The following PRDM2 variants were observed in gnomAD, a reference collection of about 807,000 sequenced individuals.
The protein encoded by PRDM2 is PR/SET domain 2, also known as PR domain zinc finger protein 2.
PRDM2 carries 30 observed loss-of-function variants against 130.0 expected under a neutral mutation model. That is an observed-to-expected ratio of 0.23 (90% CI 0.17 to 0.31). The LOEUF (loss-of-function observed/expected upper bound fraction) is 0.31. Among genes scored for constraint, PRDM2 ranks in the 10% least tolerant of loss-of-function variants. PRDM2 has a pLI of 1.00. For synonymous variants in PRDM2, 871 were observed against 782.4 expected (o/e 1.11, Z -1.89); for missense variants, 2,011 against 2,108.4 (o/e 0.95, Z 0.90).
At chr1:13,717,134 C>G (rs116436582) in intron 2 of PRDM2, among the ~76,000 whole-genome samples, 1 of 152,050 alleles carries the variant, frequency 6.6e-6, no homozygotes, top group Admixed American at 6.6e-5. Flanking sequence ...ACGAATCTGG[C>G]GAACACATGG....
chr1:13,742,261 C>A, intron 5 of PRDM2, 104 bp downstream of exon 5: 1 of 1,293,640 alleles, frequency 7.7e-7, no homozygotes, highest in Non-Finnish European at 1.1e-6. Flanking sequence ...AGTGCAGGGG[C>A]TCCATCACGG....
chr1:13,774,923 G>A (rs1644440540), intron 7 of PRDM2, among the ~76,000 whole-genome samples: 1 of 150,770 alleles, frequency 6.6e-6, no homozygotes, highest in Non-Finnish European at 1.5e-5. Flanking sequence ...AGCCGAGATC[G>A]TGCCACTGCA....
chr1:13,784,398 C>T (rs1644691522), intron 8 of PRDM2, among the ~76,000 whole-genome samples: 4 of 152,192 alleles, frequency 2.6e-5, no homozygotes, highest in Admixed American at 2.6e-4. Flanking sequence ...CTATAAAACA[C>T]CTCCCAGGCG....
intron 4 of PRDM2, among the ~76,000 whole-genome samples, chr1:13,741,100 G>A (rs1284197133): frequency 6.6e-6 from 1 of 152,186 alleles, no homozygotes; most frequent in Admixed American, 6.5e-5. Flanking sequence ...GTGCCTACTC[G>A]AGTGTTTTGT....
At position 13,782,003 on chromosome 1, in the gene PRDM2, T is replaced by C. The variant is rs113714069; in HGVS notation, c.4208T>C (p.Leu1403Pro). ...CGACGAATGGGACAGCCCAAAAGGC[T>C]TAACTTTAGTGTTGAGCTCAGCAAA... ...AFRRMGQPKR[L>P]NFSVELSKMS... The change falls in exon 8 of 10, where the codon CTT becomes CCT. Residue 1403 changes from leucine (L) to proline (P), a missense_variant. Coordinates refer to ENST00000311066, the MANE Select transcript of PRDM2 (RefSeq NM_001393986.1). The C allele has an allele frequency of 1.1e-5, 18 of 1,614,054 alleles. No homozygotes were observed. The highest frequency in any genetic ancestry group is 1.7e-5 in the Admixed American group (1 of 60,002).
At position 13,796,352 on chromosome 1, in the gene PRDM2, T is replaced by C. The variant is rs150526393; in HGVS notation, c.5036+13521T>C. Among the ~76,000 whole-genome samples the C allele has an allele frequency of 9.1e-4, 138 of 152,354 alleles. 1 individual carries two copies. The highest frequency in any genetic ancestry group is 2.8e-3 in the African/African-American group (118 of 41,588). ...AGATTGTGGTCCTGTTAATATCATA[T>C]GTAAACAAAGAGATGGTTGGCCCTG... On this transcript the variant is annotated intron_variant, in intron 8 of 9. Transcript: ENST00000311066.
At chr1:13,767,411 C>T (rs368825706) in intron 6 of PRDM2, among the ~76,000 whole-genome samples, 71 of 151,812 alleles carry the variant, frequency 4.7e-4, no homozygotes, top group African/African-American at 1.6e-3. Flanking sequence ...CCCACCTCAG[C>T]CTCCCAAGTA....
At chr1:13,805,924 G>A (rs116437465) in intron 8 of PRDM2, among the ~76,000 whole-genome samples, 284 of 152,144 alleles carry the variant, frequency 1.9e-3, no homozygotes, top group African/African-American at 6.6e-3. Context: ...TCTGAAAGCC[G>A]GCAGCTCCTT....
At chr1:13,800,128 C>T (rs988207421) in intron 8 of PRDM2, among the ~76,000 whole-genome samples, 2 of 152,228 alleles carry the variant, frequency 1.3e-5, no homozygotes, top group Non-Finnish European at 2.9e-5. Flanking sequence ...ATGCCTGGCA[C>T]TGTTTTAGGT....
At chr1:13,750,037 G>A (rs1436482047) in intron 6 of PRDM2, among the ~76,000 whole-genome samples, 2 of 152,234 alleles carry the variant, frequency 1.3e-5, no homozygotes, top group Admixed American at 1.3e-4. Context: ...GGGAGACTGC[G>A]GGTGCGGTGG....
At chr1:13,751,165 C>T (rs998304808) in intron 6 of PRDM2, among the ~76,000 whole-genome samples, 1 of 152,148 alleles carries the variant, frequency 6.6e-6, no homozygotes, top group Non-Finnish European at 1.5e-5. Context: ...AAAACTTGAA[C>T]ATATACTTTT....
chr1:13,807,947 G>T (rs1645110582), intron 8 of PRDM2, among the ~76,000 whole-genome samples: 2 of 152,160 alleles, frequency 1.3e-5, no homozygotes, highest in Non-Finnish European at 1.5e-5. Context: ...CGTCCATACA[G>T]ATTGGATGGT....
In PRDM2 at chr1:13,815,433, C is replaced by G. The variant is rs1260624347; in HGVS notation, c.5037-994C>G. 7.2e-5 allele frequency among the ~76,000 whole-genome samples: 11 copies of G among 152,260 alleles called. No homozygotes were observed. In the East Asian group the frequency reaches 2.1e-3, roughly 29 times the overall value. On this transcript the variant is annotated intron_variant, in intron 8 of 9. Coordinates refer to ENST00000311066, the MANE Select transcript of PRDM2 (RefSeq NM_001393986.1). ...GGCCGGATGTTTATTTTTATTGTGC[C>G]AAGCTGGGGATGCAACAATGAACAG...
chr1:13,757,965 G>A (rs769154874), intron 6 of PRDM2, among the ~76,000 whole-genome samples: 20 of 152,038 alleles, frequency 1.3e-4, no homozygotes, highest in Non-Finnish European at 2.5e-4. Context: ...CTATCCATGT[G>A]TGCTCTTGAA....
intron 5 of PRDM2, among the ~76,000 whole-genome samples, chr1:13,748,960 T>C (rs1643704304): frequency 6.6e-6 from 1 of 152,228 alleles, no homozygotes; most frequent in Non-Finnish European, 1.5e-5. Flanking sequence ...CTTTCAGCAC[T>C]CCGCTTTCCA....
intron 9 of PRDM2, among the ~76,000 whole-genome samples, chr1:13,820,391 C>T (rs1259134466): frequency 6.6e-6 from 1 of 152,236 alleles, no homozygotes; most frequent in African/African-American, 2.4e-5. Flanking sequence ...CTGTGACTCA[C>T]ACAAAGCCCA....
intron 6 of PRDM2, among the ~76,000 whole-genome samples, chr1:13,772,654 C>G (rs889020143): frequency 6.6e-6 from 1 of 152,136 alleles, no homozygotes; most frequent in Non-Finnish European, 1.5e-5. Flanking sequence ...CTAAAAGGGC[C>G]CCAAGTTATA....
chr1:13,798,706 C>T (rs1644960156), intron 8 of PRDM2, among the ~76,000 whole-genome samples: 2 of 152,044 alleles, frequency 1.3e-5, no homozygotes, highest in South Asian at 2.1e-4. Context: ...ATAGGGTCAC[C>T]CTTTCTGTAG....
intron 2 of PRDM2, 50 bp downstream of exon 2, chr1:13,715,664 C>A (rs757240420): frequency 1.3e-6 from 2 of 1,498,576 alleles, no homozygotes; most frequent in South Asian, 1.3e-5. Flanking sequence ...AGATGTTAGA[C>A]CAGCTCTTGA....
Sources: allele counts gnomAD v4.1 joint callset (sites outside exome capture counted in the v4.1 genomes callset), GRCh38; gene constraint gnomAD v4.1.1; transcripts MANE v1.5; gene names NCBI Gene and HGNC (gene_info 2026-07-23, HGNC 2026-07-21).